The following DENND4B variants were observed in gnomAD, a reference collection of about 807,000 sequenced individuals.
The protein encoded by DENND4B is DENN domain-containing protein 4B.
DENND4B carries 67 observed loss-of-function variants against 161.0 expected under a neutral mutation model. That is an observed-to-expected ratio of 0.42 (90% CI 0.34 to 0.51). DENND4B has a LOEUF of 0.51. DENND4B is among the 20% of genes least tolerant of loss of function. DENND4B has a pLI of 0.08. For synonymous variants in DENND4B, 753 were observed against 813.8 expected (o/e 0.93, Z 1.27); for missense variants, 1,481 against 1,968.0 (o/e 0.75, Z 4.68).
intron 8 of DENND4B, 52 bp downstream of exon 8, chr1:153,941,179 C>T: frequency 1.2e-6 from 2 of 1,606,904 alleles, no homozygotes; most frequent in South Asian, 2.2e-5. Flanking sequence ...TGCCCAGCAC[C>T]TACCATGTCC....
Position 153,942,003 on chromosome 1 carries a change from C to T in DENND4B, c.921G>A (p.Leu307=), listed in dbSNP as rs1330918012. Residue 307 remains leucine, a synonymous_variant, in exon 6 of 28, where the codon CTG becomes CTA. Coordinates refer to ENST00000361217, the MANE Select transcript of DENND4B (RefSeq NM_014856.3). The surrounding 1 kb of genome is among the most constrained non-coding windows in gnomAD (Gnocchi z 6.9). ...LLSAVERGRA[L]GGRAVRSRRA... ...GCCGGCTGCGCACAGCTCTGCCCCC[C>T]AGTGCCCGACCCCGCTCCACGGCGC... 5 of 1,611,920 alleles carry T rather than the reference C, an allele frequency of 3.1e-6. No individual in the cohort carries two copies. The African/African-American group carries it at 4.0e-5, about 13-fold the overall frequency.
chr1:153,930,193 C>T lies in DENND4B; in HGVS notation c.*104G>A. On this transcript the variant is annotated 3_prime_UTR_variant, in exon 28 of 28. Transcript: ENST00000361217. This position sits in a 1 kb window ranked among gnomAD's most constrained non-coding sequence, Gnocchi z 4.7. ...GGAGCCTTTGACTGGGCATCCTTCCCAGCCTGTTCCCAACTCCATGAAGGC... is the reference window on the plus strand; with the variant it reads ...GGAGCCTTTGACTGGGCATCCTTCCTAGCCTGTTCCCAACTCCATGAAGGC... The T allele has an allele frequency of 1.4e-6, 2 of 1,419,436 alleles. No individual in the cohort carries two copies. The highest frequency in any genetic ancestry group is 1.4e-5 in the South Asian group (1 of 70,308). The allele number at this position is 1,419,436 out of a possible 1,614,324, so 87.9% of individuals were successfully genotyped here.
intron 17 of DENND4B, chr1:153,935,695 C>G: frequency 4.2e-6 from 1 of 236,634 alleles, no homozygotes; most frequent in Non-Finnish European, 8.5e-6. Flanking sequence ...GGACCTTGGA[C>G]GAGTTACTAA....
intron 12 of DENND4B, among the ~76,000 whole-genome samples, 183 bp downstream of exon 12, chr1:153,939,406 C>A (rs1451174457): frequency 6.6e-6 from 1 of 152,042 alleles, no homozygotes; most frequent in African/African-American, 2.4e-5. Context: ...CATCTTTGTA[C>A]CCTGATTCCC....
Position 153,942,603 on chromosome 1 carries a change from C to A in DENND4B, c.593G>T (p.Cys198Phe). The change falls in exon 4 of 28, where the codon TGC becomes TTC. Residue 198 changes from cysteine to phenylalanine, a missense_variant. Cys to Phe is a radical substitution (Grantham distance 205). Transcript: ENST00000361217. This position sits in a 1 kb window ranked among gnomAD's most constrained non-coding sequence, Gnocchi z 6.9. Reference protein sequence around the residue: ...PGMWGPAVYLCYKVGLAKANT... With the variant: ...PGMWGPAVYLFYKVGLAKANT... ...GGCCTTCGCCAGGCCCACCTTATAG[C>A]ACAGGTACACTGCTGGGCCCCACTA... The A allele has an allele frequency of 1.3e-6, 2 of 1,598,568 alleles. No homozygotes were observed. Among genetic ancestry groups the A allele is most frequent in the Admixed American group, 3.5e-5 (2 of 57,468 alleles).
At chr1:153,939,414 C>G (rs1384981245) in intron 12 of DENND4B, among the ~76,000 whole-genome samples, 175 bp downstream of exon 12, 3 of 152,028 alleles carry the variant, frequency 2.0e-5, no homozygotes, top group African/African-American at 7.2e-5. Flanking sequence ...TACCCTGATT[C>G]CCCCCCAAGA....
rs1430115464 is a variant in DENND4B, at chr1:153,934,868, G to C, written c.2665C>G (p.Gln889Glu). 13 of 1,613,534 alleles carry C rather than the reference G, an allele frequency of 8.1e-6. No homozygotes were observed. The highest frequency in any genetic ancestry group is 1.1e-5 in the Non-Finnish European group (13 of 1,179,904). The change falls in exon 18 of 28, where the codon CAG becomes GAG. Residue 889 changes from glutamine to glutamate, a missense_variant. This residue lies in a region of DENND4B where 339 missense variants were observed against 330.3 expected (regional missense o/e 1.03). Transcript: ENST00000361217. The surrounding 1 kb of genome is among the most constrained non-coding windows in gnomAD (Gnocchi z 5.3). ...TGCTGTTGCCGTTCTCTCAAGGGCT[G>C]GCGGAACTGAGCAGCCCCCAGGACA... ...NVVLGAAQFR[Q>E]PLRERQQQQQ...
At position 153,944,907 on chromosome 1, in the gene DENND4B, G is replaced by C. The variant is rs1679878988; in HGVS notation, c.-23-510C>G. Among the ~76,000 whole-genome samples the C allele has an allele frequency of 6.6e-6, 1 of 152,138 alleles. No individual in the cohort carries two copies. Among genetic ancestry groups the C allele is most frequent in the Non-Finnish European group, 1.5e-5 (1 of 68,036 alleles). ...TTAAGAGGACCCCATGGGTTTCTGA[G>C]AAAGCCCACAAAACCCAAGCTTTAA... On this transcript the variant is annotated intron_variant, in intron 1 of 27. Coordinates refer to ENST00000361217, the MANE Select transcript of DENND4B (RefSeq NM_014856.3). This position sits in a 1 kb window ranked among gnomAD's most constrained non-coding sequence, Gnocchi z 4.8.
chr1:153,941,481 C>T (rs1679668317), intron 6 of DENND4B, 41 bp from the exon 7 acceptor site: 1 of 1,569,764 alleles, frequency 6.4e-7, no homozygotes, highest in Non-Finnish European at 8.7e-7. Context: ...CTCCCCCGTC[C>T]ATCCCTGTCC....
intron 17 of DENND4B, 152 bp from the exon 18 acceptor site, chr1:153,935,116 C>A: frequency 7.0e-7 from 1 of 1,427,678 alleles, no homozygotes; most frequent in East Asian, 2.5e-5. Context: ...GGAACAAGAG[C>A]CCAGAAGAGA....
In DENND4B at chr1:153,933,486, G is replaced by A. The variant is rs551285966; in HGVS notation, c.3327C>T (p.Ser1109=). The A allele has an allele frequency of 1.2e-5, 18 of 1,561,144 alleles. No individual in the cohort carries two copies. Among genetic ancestry groups the A allele is most frequent in the Admixed American group, 3.6e-5 (2 of 55,268 alleles). The change falls in exon 20 of 28, where the codon TCC becomes TCT. Residue 1109 remains serine, a synonymous_variant. Coordinates refer to ENST00000361217, the MANE Select transcript of DENND4B (RefSeq NM_014856.3). The surrounding 1 kb of genome is among the most constrained non-coding windows in gnomAD (Gnocchi z 5.7). The part of the protein sequence containing the change: ...HPRERPGSTA[S]ESSASLGSEW... The stretch of plus-strand genomic sequence containing the variant: ...TGGACCCTCCTTCACTGGCTACCTC[G>A]GAGGCAGTGGATCCAGGGCGCTCCC...
In DENND4B at chr1:153,933,513, G is replaced by A. The variant is rs1253397589; in HGVS notation, c.3300C>T (p.Pro1100=). 1 of 1,552,874 alleles carries A rather than the reference G, an allele frequency of 6.4e-7. No individual in the cohort carries two copies. Among genetic ancestry groups the A allele is most frequent in the East Asian group, 2.3e-5 (1 of 44,392 alleles). The change falls in exon 20 of 28, where the codon CCC becomes CCT. Residue 1100 remains proline (P), a synonymous_variant. Coordinates refer to ENST00000361217, the MANE Select transcript of DENND4B (RefSeq NM_014856.3). The surrounding 1 kb of genome is among the most constrained non-coding windows in gnomAD (Gnocchi z 5.7). ...AGGCAGTGGATCCAGGGCGCTCCCG[G>A]GGGTGCAGAAGACTGTCCATGGGGC... ...RRSPMDSLLH[P]RERPGSTASE...
chr1:153,933,658 G>C lies in DENND4B; in HGVS notation c.3155C>G (p.Thr1052Ser), dbSNP rs1436096999. ...KAGGRQDEAG[T>S]PRRGLGARLQ... ...GCGGGCACCCAGCCCTCGTCGGGGG[G>C]TGCCTGCCTCATCCTGTCGCCCACC... Residue 1052 changes from threonine to serine, a missense_variant, in exon 20 of 28, where the codon ACC becomes AGC. Transcript: ENST00000361217. This position sits in a 1 kb window ranked among gnomAD's most constrained non-coding sequence, Gnocchi z 5.7. The C allele has an allele frequency of 4.5e-6, 7 of 1,570,030 alleles. No individual in the cohort carries two copies. The highest frequency in any genetic ancestry group is 2.0e-5 in the Admixed American group (1 of 50,862).
chr1:153,938,391 A>G (rs1362193215), intron 13 of DENND4B, among the ~76,000 whole-genome samples: 1 of 150,278 alleles, frequency 6.7e-6, no homozygotes, highest in Non-Finnish European at 1.5e-5. Flanking sequence ...CCTGGGAGAC[A>G]GAGCAAAACT....
chr1:153,940,443 T>C lies in DENND4B; in HGVS notation c.1490A>G (p.Asn497Ser). ...ADVICVDLDT[N>S]TLFQTEEKKL... ...CCCAGCCTCTTACTGGAAGAGCGTG[T>C]TGGTATCAAGGTCTACACAGATGAC... The change falls in exon 10 of 28, where the codon AAC becomes AGC. Residue 497 changes from asparagine (N) to serine (S), a missense_variant. Asn to Ser is a conservative substitution (Grantham distance 46). This residue lies in a region of DENND4B where 806 missense variants were observed against 1,134.4 expected (regional missense o/e 0.71). Coordinates refer to ENST00000361217, the MANE Select transcript of DENND4B (RefSeq NM_014856.3). This position sits in a 1 kb window ranked among gnomAD's most constrained non-coding sequence, Gnocchi z 5.6. 1 of 1,612,478 alleles carries C rather than the reference T, an allele frequency of 6.2e-7. No homozygotes were observed. Among genetic ancestry groups the C allele is most frequent in the South Asian group, 1.1e-5 (1 of 90,754 alleles).
Position 153,930,678 on chromosome 1 carries a change from T to A in DENND4B, c.4280+14A>T, listed in dbSNP as rs1430095343. 6.2e-6 allele frequency: 10 copies of A among 1,613,192 alleles called. No homozygotes were observed. Among genetic ancestry groups the A allele is most frequent in the African/African-American group, 1.3e-5 (1 of 74,918 alleles). On this transcript the variant is annotated intron_variant, in intron 26 of 27. Coordinates refer to ENST00000361217, the MANE Select transcript of DENND4B (RefSeq NM_014856.3). The surrounding 1 kb of genome is among the most constrained non-coding windows in gnomAD (Gnocchi z 4.7). ...CCGGACAGACCAGGGATCACCCAGA[T>A]GGTAGCACCATACCTCTGCAGGTGC... is the stretch of plus-strand genomic sequence containing the variant.
Position 153,936,354 on chromosome 1 carries a change from C to T in DENND4B, c.2440-166G>A, listed in dbSNP as rs1289790178. Among the ~76,000 whole-genome samples, 1 of 152,198 alleles carries T rather than the reference C, an allele frequency of 6.6e-6. No homozygotes were observed. Among genetic ancestry groups the T allele is most frequent in the African/African-American group, 2.4e-5 (1 of 41,442 alleles). ...CCACCCTTTCTGCTGACCCTGCCAC[C>T]CTACAGTCTTCACTGCTAAACCCTG... On this transcript the variant is annotated intron_variant, in intron 16 of 27. Transcript: ENST00000361217. The surrounding 1 kb of genome is among the most constrained non-coding windows in gnomAD (Gnocchi z 4.1).
At chr1:153,935,996 C>G in intron 17 of DENND4B, 64 bp downstream of exon 17, 1 of 1,587,800 alleles carries the variant, frequency 6.3e-7, no homozygotes, top group Non-Finnish European at 8.6e-7. Context: ...AGGGGAGCAG[C>G]AGCAGCCTCC....
chr1:153,931,844 C>A (rs919091904), intron 24 of DENND4B, among the ~76,000 whole-genome samples: 34 of 138,584 alleles, frequency 2.5e-4, no homozygotes, highest in African/African-American at 9.3e-4. Flanking sequence ...GCTCTTGTTG[C>A]TCAGGCTGGA....
Sources: allele counts gnomAD v4.1 joint callset (sites outside exome capture counted in the v4.1 genomes callset), GRCh38; gene constraint gnomAD v4.1.1; regional missense constraint gnomAD v4.1.1; non-coding constraint Gnocchi (gnomAD v3.1); transcripts MANE v1.5; gene names NCBI Gene and HGNC (gene_info 2026-07-23, HGNC 2026-07-21).